Variants in PDE7B observed in about 807,000 individuals in gnomAD.
PDE7B encodes the protein 3',5'-cyclic-AMP phosphodiesterase 7B.
A neutral mutation model predicts 56.2 loss-of-function variants in PDE7B; 29 were observed. The ratio of observed to expected loss-of-function variants is 0.52; its 90% confidence interval spans 0.38 to 0.70. The LOEUF (loss-of-function observed/expected upper bound fraction) is 0.70, where lower values mean the gene tolerates loss of function less well. Among genes scored for constraint, PDE7B ranks in the 30% least tolerant of loss-of-function variants. The pLI, the probability that PDE7B is intolerant of heterozygous loss-of-function variation, is 0.00. For synonymous variants in PDE7B, 197 were observed against 196.9 expected, an observed-to-expected ratio of 1.00 and a Z score of 0.00; for missense variants, 490 against 565.0, an observed-to-expected ratio of 0.87 and a Z score of 1.35.
intron 2 of PDE7B, among the ~76,000 whole-genome samples, chr6:135,950,841 C>T (rs1034418865): frequency 1.3e-5 from 2 of 152,138 alleles, no homozygotes; most frequent in Non-Finnish European, 2.9e-5. Flanking sequence ...CATGAATATG[C>T]CATTCTTATG....
chr6:136,189,336 G>A (rs1779186844), intron 12 of PDE7B, among the ~76,000 whole-genome samples: 1 of 152,170 alleles, frequency 6.6e-6, no homozygotes, highest in Non-Finnish European at 1.5e-5. Flanking sequence ...GGTTGAGGCG[G>A]GCAAATCCCT....
At chr6:136,173,262 G>T (rs1480751251) in intron 8 of PDE7B, among the ~76,000 whole-genome samples, 1 of 152,106 alleles carries the variant, frequency 6.6e-6, no homozygotes, top group Non-Finnish European at 1.5e-5. Context: ...ATACTACAAG[G>T]CTACAGTAAC....
chr6:136,011,390 G>A (rs1775892930), intron 2 of PDE7B, among the ~76,000 whole-genome samples: 1 of 152,106 alleles, frequency 6.6e-6, no homozygotes, highest in South Asian at 2.1e-4. Flanking sequence ...GTCATCTTGA[G>A]CCCATTTATC....
chr6:135,898,632 T>G (rs1775943917), intron 1 of PDE7B, among the ~76,000 whole-genome samples: 1 of 152,172 alleles, frequency 6.6e-6, no homozygotes, highest in Non-Finnish European at 1.5e-5. Flanking sequence ...AATTATATAC[T>G]TTCTTTAAAA....
At chr6:136,119,346 A>G (rs923292125) in intron 3 of PDE7B, among the ~76,000 whole-genome samples, 2 of 152,104 alleles carry the variant, frequency 1.3e-5, no homozygotes, top group African/African-American at 4.8e-5. Flanking sequence ...TTTTTTTCCT[A>G]CTGGAAGCAT....
chr6:136,076,652 A>C (rs1562487160), intron 2 of PDE7B, among the ~76,000 whole-genome samples: 2 of 152,240 alleles, frequency 1.3e-5, no homozygotes, highest in Admixed American at 1.3e-4. Context: ...CCCACCCCAC[A>C]CATCCAATCA....
chr6:136,038,460 A>G, intron 2 of PDE7B: 1 of 1,290,116 alleles, frequency 7.8e-7, no homozygotes, highest in Non-Finnish European at 1.0e-6. Context: ...TGGAAATCCA[A>G]AAGTGAGCTG....
chr6:136,048,089 TAGACAGACAGAC>T (rs66718715), intron 2 of PDE7B, among the ~76,000 whole-genome samples: 1 of 149,450 alleles, frequency 6.7e-6, no homozygotes, highest in Non-Finnish European at 1.5e-5. Flanking sequence ...GATAGATAGA[TAGACAGACAGAC>T]AGACAGACAG....
chr6:135,909,225 G>A lies in PDE7B; in HGVS notation c.22-38239G>A, dbSNP rs183088270. On this transcript the variant is annotated intron_variant, in intron 1 of 12. Coordinates refer to ENST00000308191, the MANE Select transcript of PDE7B (RefSeq NM_018945.4). ...CCTCTGGATAGATGAAGAGGAATGC[G>A]AGTGTGTAGAGAAACAGAAGGGATC... 3.8e-3 allele frequency among the ~76,000 whole-genome samples: 573 copies of A among 152,274 alleles called. 4 individuals are homozygous for A. Among genetic ancestry groups the A allele is most frequent in the African/African-American group, 0.013 (538 of 41,556 alleles).
At chr6:136,009,213 T>C (rs1775843714) in intron 2 of PDE7B, among the ~76,000 whole-genome samples, 1 of 151,980 alleles carries the variant, frequency 6.6e-6, no homozygotes, top group Admixed American at 6.5e-5. Flanking sequence ...TTGGTACCAG[T>C]ACCATGCTGT....
chr6:135,931,765 G>C (rs763664881), intron 1 of PDE7B, among the ~76,000 whole-genome samples: 6 of 152,062 alleles, frequency 3.9e-5, no homozygotes, highest in Non-Finnish European at 8.8e-5. Flanking sequence ...GAGGCTTTAA[G>C]ACTTTAGGTT....
chr6:135,867,463 T>C (rs565630455), intron 1 of PDE7B, among the ~76,000 whole-genome samples: 2 of 152,122 alleles, frequency 1.3e-5, no homozygotes, highest in Non-Finnish European at 2.9e-5. Flanking sequence ...ATGTGCAGGA[T>C]GTGCAGGTTT....
intron 3 of PDE7B, among the ~76,000 whole-genome samples, chr6:136,142,089 T>G (rs1253741459): frequency 6.6e-6 from 1 of 152,204 alleles, no homozygotes; most frequent in East Asian, 1.9e-4. Flanking sequence ...CTTGTGGGCA[T>G]TTAGTGCTAT....
intron 2 of PDE7B, among the ~76,000 whole-genome samples, chr6:136,049,660 T>C (rs1028197741): frequency 2.0e-5 from 3 of 152,024 alleles, no homozygotes; most frequent in African/African-American, 7.3e-5. Flanking sequence ...CTCAACAAGA[T>C]GTGAGAAATT....
At chr6:136,067,272 A>G (rs1776957492) in intron 2 of PDE7B, among the ~76,000 whole-genome samples, 1 of 152,342 alleles carries the variant, frequency 6.6e-6, no homozygotes, top group South Asian at 2.1e-4. Flanking sequence ...TTCAGCTTAA[A>G]GCATCTTCAA....
chr6:136,098,008 C>T (rs1264763766), intron 2 of PDE7B: 3 of 152,014 alleles, frequency 2.0e-5, no homozygotes, highest in African/African-American at 7.3e-5. Flanking sequence ...CTTAAATTAA[C>T]TCCTGTTCAT....
intron 1 of PDE7B, among the ~76,000 whole-genome samples, chr6:135,902,726 C>T (rs539769309): frequency 6.6e-6 from 1 of 152,274 alleles, no homozygotes; most frequent in Admixed American, 6.5e-5. Context: ...AAAGGACTTA[C>T]CTGACAAGCA....
intron 1 of PDE7B, among the ~76,000 whole-genome samples, chr6:135,873,557 G>C (rs1775430590): frequency 6.6e-6 from 1 of 152,074 alleles, no homozygotes; most frequent in South Asian, 2.1e-4. Flanking sequence ...TGGGTGCTTG[G>C]AGACAATAGT....
intron 1 of PDE7B, among the ~76,000 whole-genome samples, chr6:135,900,794 G>A (rs1248673082): frequency 1.3e-5 from 2 of 151,952 alleles, no homozygotes; most frequent in Admixed American, 1.3e-4. Flanking sequence ...CAATTAACAG[G>A]ATATGTGATT....
Sources: allele counts gnomAD v4.1 joint callset (sites outside exome capture counted in the v4.1 genomes callset), GRCh38; gene constraint gnomAD v4.1.1; transcripts MANE v1.5; gene names NCBI Gene and HGNC (gene_info 2026-07-23, HGNC 2026-07-21).